The following SPATA31D1 variants were observed in gnomAD, a reference collection of about 807,000 sequenced individuals.
The protein encoded by SPATA31D1 is SPATA31 subfamily D member 1, also known as spermatogenesis-associated protein 31D1.
A neutral mutation model predicts 13.2 loss-of-function variants in SPATA31D1; 6 were observed. That is an observed-to-expected ratio of 0.46 (90% CI 0.25 to 0.90). The LOEUF is 0.90. Among genes scored for constraint, SPATA31D1 ranks in the 40% least tolerant of loss-of-function variants. The pLI is 0.18. For missense variants in SPATA31D1, 2,445 were observed against 1,884.7 expected (o/e 1.30, Z -5.50); for synonymous variants, 903 against 718.8 (o/e 1.26, Z -4.10).
Position 81,991,280 on chromosome 9 carries a change from C to G in SPATA31D1, c.810C>G (p.Thr270=). The G allele has an allele frequency of 6.2e-7, 1 of 1,614,004 alleles. No homozygotes were observed. Among genetic ancestry groups the G allele is most frequent in the Non-Finnish European group, 8.5e-7 (1 of 1,179,892 alleles). ...LQPEASLSLN[T]IFSFGSTLCQ... ...CTGAAGCCAGTTTGTCTCTGAACAC[C>G]ATCTTTTCATTTGGCTCCACCCTAT... The change falls in exon 4 of 4, where the codon ACC becomes ACG. Residue 270 remains threonine (T), a synonymous_variant. Transcript: ENST00000344803.
rs1275196834 is a variant in SPATA31D1, at chr9:81,992,281, T to G, written c.1811T>G (p.Val604Gly). The stretch of plus-strand genomic sequence containing the variant: ...CTATTCCTGATTAGGATCTGTGGAG[T>G]GTGTTTTCATAGACCCCAGAACGAG... ...SPLFLIRICG[V>G]CFHRPQNEAR... is the part of the protein sequence containing the mutation. Residue 604 changes from valine (V) to glycine (G), a missense_variant, in exon 4 of 4, where the codon GTG (valine) becomes GGG (glycine). Coordinates refer to ENST00000344803, the MANE Select transcript of SPATA31D1 (RefSeq NM_001001670.3). 2.5e-6 allele frequency: 4 copies of G among 1,613,498 alleles called. No individual in the cohort carries two copies. Among genetic ancestry groups the G allele is most frequent in the Admixed American group, 3.3e-5 (2 of 59,976 alleles).
In SPATA31D1 at chr9:81,993,657, A is replaced by G; in HGVS notation, c.3187A>G (p.Thr1063Ala). Residue 1063 changes from threonine (T) to alanine (A), a missense_variant, in exon 4 of 4, where the codon ACC becomes GCC. Coordinates refer to ENST00000344803, the MANE Select transcript of SPATA31D1 (RefSeq NM_001001670.3). ...ACCTGTCAACCAAGAAAAGCAGGGG[A>G]CCCTGAGAAGAGAATTCTCTGATAC... ...TSPVNQEKQG[T>A]LRREFSDTDN... The G allele has an allele frequency of 1.9e-6, 3 of 1,613,944 alleles. No individual in the cohort carries two copies. Among genetic ancestry groups the G allele is most frequent in the Non-Finnish European group, 2.5e-6 (3 of 1,179,874 alleles).
chr9:81,993,227 C>G lies in SPATA31D1; in HGVS notation c.2757C>G (p.Pro919=), dbSNP rs1825016275. ...TFRMRMLWGL[P]LKVLESIEIF... is the part of the protein sequence containing the mutation. ...GTATGAGGATGCTGTGGGGCCTTCCCCTCAAGGTCCTTGAATCCATAGAAA... is the reference window on the plus strand; with the variant it reads ...GTATGAGGATGCTGTGGGGCCTTCCGCTCAAGGTCCTTGAATCCATAGAAA... The change falls in exon 4 of 4, where the codon CCC becomes CCG. Residue 919 remains proline (P), a synonymous_variant. Coordinates refer to ENST00000344803, the MANE Select transcript of SPATA31D1 (RefSeq NM_001001670.3). The G allele has an allele frequency of 6.2e-7, 1 of 1,613,862 alleles. No homozygotes were observed. Among genetic ancestry groups the G allele is most frequent in the Admixed American group, 1.7e-5 (1 of 60,004 alleles).
At chr9:81,990,598 C>A (rs2133437728) in intron 3 of SPATA31D1, 112 bp downstream of exon 3, 1 of 1,342,634 alleles carries the variant, frequency 7.4e-7, no homozygotes, top group Non-Finnish European at 1.0e-6. Context: ...GAGTGGGTAG[C>A]CATAGGAATG....
intron 1 of SPATA31D1, 148 bp from the exon 2 acceptor site, chr9:81,989,630 T>A (rs1375769966): frequency 1.1e-6 from 1 of 939,692 alleles, no homozygotes; most frequent in Non-Finnish European, 1.5e-6. Flanking sequence ...TTATCACCAT[T>A]AAAAATTGAT....
In SPATA31D1 at chr9:81,991,983, T is replaced by A. The variant is rs1267025722; in HGVS notation, c.1513T>A (p.Trp505Arg). The change falls in exon 4 of 4, where the codon TGG becomes AGG. Residue 505 changes from tryptophan (W) to arginine (R), a missense_variant. Physicochemically the swap from Trp to Arg is moderately radical, Grantham distance 101. Coordinates refer to ENST00000344803, the MANE Select transcript of SPATA31D1 (RefSeq NM_001001670.3). The part of the protein sequence containing the change: ...HLEQKYVQLF[W>R]GLPSLHSESL... The stretch of plus-strand genomic sequence containing the variant: ...AGAGCAAAAATATGTCCAGCTCTTC[T>A]GGGGTCTCCCATCTTTGCACAGCGA... The A allele has an allele frequency of 1.2e-6, 2 of 1,613,730 alleles. No individual in the cohort carries two copies. The highest frequency in any genetic ancestry group is 1.7e-6 in the Non-Finnish European group (2 of 1,179,738).
intron 3 of SPATA31D1, 123 bp from the exon 4 acceptor site, chr9:81,990,650 C>T (rs779838047): frequency 7.2e-7 from 1 of 1,386,036 alleles, no homozygotes. Context: ...ATAGTGAGGT[C>T]ATAGGACCTC....
At position 81,992,018 on chromosome 9, in the gene SPATA31D1, T is replaced by C. The variant is rs188898794; in HGVS notation, c.1548T>C (p.His516=). The change falls in exon 4 of 4, where the codon CAT becomes CAC. Residue 516 remains histidine (H), a synonymous_variant. Coordinates refer to ENST00000344803, the MANE Select transcript of SPATA31D1 (RefSeq NM_001001670.3). ...GLPSLHSESL[H]PTVLVQRGHS... Reference sequence around the variant, plus strand: ...CATCTTTGCACAGCGAGTCTCTGCATCCTACTGTTCTTGTCCAACGTGGCC... The same window carrying C: ...CATCTTTGCACAGCGAGTCTCTGCACCCTACTGTTCTTGTCCAACGTGGCC... 962 of 1,613,814 alleles carry C rather than the reference T, an allele frequency of 6.0e-4. 6 individuals are homozygous for C. In the African/African-American group the frequency reaches 0.01, roughly 17 times the overall value.
rs747668068 is a variant in SPATA31D1 at position 81,995,094 on chromosome 9, G to A, written c.4624G>A (p.Val1542Ile). 4.5e-5 allele frequency: 72 copies of A among 1,610,316 alleles called. No individual in the cohort carries two copies. In the Middle Eastern group the frequency reaches 5.0e-4, roughly 11 times the overall value. Reference protein sequence around the residue: ...RRQVSLVCPAVPTSAKSPVFS... With the variant: ...RRQVSLVCPAIPTSAKSPVFS... The stretch of plus-strand genomic sequence containing the variant: ...TCAGGTCAGCCTGGTGTGTCCAGCC[G>A]TCCCAACCAGTGCTAAAAGCCCTGT... The change falls in exon 4 of 4, where the codon GTC becomes ATC. Residue 1542 changes from valine to isoleucine, a missense_variant. Physicochemically the swap from Val to Ile is conservative, Grantham distance 29. Transcript: ENST00000344803.
rs370457949 is a variant in SPATA31D1, at chr9:81,992,225, A to G, written c.1755A>G (p.Gln585=). 1.7e-4 allele frequency: 273 copies of G among 1,613,664 alleles called. 1 individual carries two copies. The African/African-American group carries it at 2.1e-3, about 13-fold the overall frequency. Residue 585 remains glutamine, a synonymous_variant, in exon 4 of 4, where the codon CAA becomes CAG. Transcript: ENST00000344803. ...AGGTGAAGTCCCTGGCTCAACCTCA[A>G]TCTCCATTCCGAGCCCTACTACCTA... ...LTQVKSLAQP[Q]SPFRALLPSP...
In SPATA31D1 at chr9:81,992,656, A is replaced by T. The variant is rs763151200; in HGVS notation, c.2186A>T (p.His729Leu). 1.2e-6 allele frequency: 2 copies of T among 1,613,860 alleles called. No individual in the cohort carries two copies. Among genetic ancestry groups the T allele is most frequent in the Non-Finnish European group, 1.7e-6 (2 of 1,179,748 alleles). The change falls in exon 4 of 4, where the codon CAT (histidine) becomes CTT (leucine). Residue 729 changes from histidine (H) to leucine (L), a missense_variant. His to Leu is a moderately conservative substitution (Grantham distance 99, BLOSUM62 -3). Transcript: ENST00000344803. ...ISELSVSERI[H>L]GPLNISLVEG... ...GAGCTATCTGTGTCAGAGAGAATTC[A>T]TGGACCGTTAAATATCTCTTTGGTT...
intron 1 of SPATA31D1, among the ~76,000 whole-genome samples, chr9:81,989,526 C>T (rs1465950403): frequency 6.6e-6 from 1 of 152,128 alleles, no homozygotes; most frequent in Non-Finnish European, 1.5e-5. Context: ...AGTCTTTGCC[C>T]TCCTTCAGAA....
At chr9:81,987,923 C>T (rs903566291), upstream of SPATA31D1, among the ~76,000 whole-genome samples, 5 of 152,174 alleles carry the variant, frequency 3.3e-5, no homozygotes, top group Non-Finnish European at 5.9e-5. Flanking sequence ...GGCGTCACAG[C>T]CCAAATTTCT....
chr9:81,992,880 G>T lies in SPATA31D1; in HGVS notation c.2410G>T (p.Asp804Tyr). The change falls in exon 4 of 4, where the codon GAC (aspartate) becomes TAC (tyrosine). Residue 804 changes from aspartate (D) to tyrosine (Y), a missense_variant. Coordinates refer to ENST00000344803, the MANE Select transcript of SPATA31D1 (RefSeq NM_001001670.3). ...GGATCTGAGGTCTAACTCTGAGAGAGACCTAGAAACTCATATGATGCATCT... is the reference window on the plus strand; with the variant it reads ...GGATCTGAGGTCTAACTCTGAGAGATACCTAGAAACTCATATGATGCATCT... ...DKDLRSNSER[D>Y]LETHMMHLSG... 1 of 1,613,816 alleles carries T rather than the reference G, an allele frequency of 6.2e-7. No individual in the cohort carries two copies. Among genetic ancestry groups the T allele is most frequent in the East Asian group, 2.2e-5 (1 of 44,870 alleles).
At chr9:81,990,103 G>C (rs1339125107) in intron 2 of SPATA31D1, 1 of 519,714 alleles carries the variant, frequency 1.9e-6, no homozygotes, top group East Asian at 3.1e-5. Flanking sequence ...TGGTGGGCTT[G>C]GAGTCAGAGC....
chr9:81,994,724 G>T lies in SPATA31D1; in HGVS notation c.4254G>T (p.Gly1418=). Residue 1418 remains glycine (G), a synonymous_variant, in exon 4 of 4, where the codon GGG becomes GGT. Coordinates refer to ENST00000344803, the MANE Select transcript of SPATA31D1 (RefSeq NM_001001670.3). ...GGGAGTTCCTAGAAGAGAAGCTGGG[G>T]CATAGGCATGGGATAGATATCACCT... The part of the protein sequence containing the change: ...DTREFLEEKL[G]HRHGIDITCP... The T allele has an allele frequency of 6.2e-7, 1 of 1,613,896 alleles. No homozygotes were observed. The highest frequency in any genetic ancestry group is 8.5e-7 in the Non-Finnish European group (1 of 1,179,858).
chr9:81,995,075 C>T lies in SPATA31D1; in HGVS notation c.4605C>T (p.Val1535=). The part of the protein sequence containing the change: ...PHPNPTCRRQ[V]SLVCPAVPTS... Reference sequence around the variant, plus strand: ...CAAACCCCACTTGCCGGCGTCAGGTCAGCCTGGTGTGTCCAGCCGTCCCAA... The same window carrying T: ...CAAACCCCACTTGCCGGCGTCAGGTTAGCCTGGTGTGTCCAGCCGTCCCAA... Residue 1535 remains valine (V), a synonymous_variant, in exon 4 of 4, where the codon GTC becomes GTT. Transcript: ENST00000344803. 1.2e-6 allele frequency: 2 copies of T among 1,613,006 alleles called. No homozygotes were observed. Among genetic ancestry groups the T allele is most frequent in the Non-Finnish European group, 1.7e-6 (2 of 1,179,456 alleles).
Position 81,994,694 on chromosome 9 carries a change from C to T in SPATA31D1, c.4224C>T (p.Asp1408=), listed in dbSNP as rs757402228. 1.9e-6 allele frequency: 3 copies of T among 1,613,666 alleles called. No homozygotes were observed. The highest frequency in any genetic ancestry group is 2.5e-6 in the Non-Finnish European group (3 of 1,179,734). ...CTGAAGCTCAGAAAATTAGGAAAGACACTAGGGAGTTCCTAGAAGAGAAGC... is the reference window on the plus strand; with the variant it reads ...CTGAAGCTCAGAAAATTAGGAAAGATACTAGGGAGTTCCTAGAAGAGAAGC... ...GTTEAQKIRK[D]TREFLEEKLG... Residue 1408 remains aspartate, a synonymous_variant, in exon 4 of 4, where the codon GAC becomes GAT. Transcript: ENST00000344803.
chr9:81,994,313 G>T lies in SPATA31D1; in HGVS notation c.3843G>T (p.Lys1281Asn). Residue 1281 changes from lysine (K) to asparagine (N), a missense_variant, in exon 4 of 4, where the codon AAG becomes AAT. Transcript: ENST00000344803. ...GGGTCCCTACCTGTGTCTTACAGAA[G>T]TGTCAAGTTACGAATTTCCCACCAG... is the stretch of plus-strand genomic sequence containing the variant. ...EPRVPTCVLQ[K>N]CQVTNFPPAV... 6.2e-7 allele frequency: 1 copy of T among 1,613,952 alleles called. No homozygotes were observed. Among genetic ancestry groups the T allele is most frequent in the African/African-American group, 1.3e-5 (1 of 75,050 alleles).
Sources: allele counts gnomAD v4.1 joint callset (sites outside exome capture counted in the v4.1 genomes callset), GRCh38; gene constraint gnomAD v4.1.1; transcripts MANE v1.5; gene names NCBI Gene and HGNC (gene_info 2026-07-23, HGNC 2026-07-21).